LYN: variants seen among roughly 807,000 people sequenced by gnomAD.
LYN encodes LYN proto-oncogene, Src family tyrosine kinase.
Under a neutral mutation model 65.0 loss-of-function variants are expected in LYN, and 12 were observed. That is an observed-to-expected ratio of 0.18 (90% CI 0.12 to 0.30). LYN has a LOEUF of 0.30. Among genes scored for constraint, LYN ranks in the 10% least tolerant of loss-of-function variants. LYN has a pLI of 1.00. For missense variants in LYN, 380 were observed against 623.2 expected, an observed-to-expected ratio of 0.61 and a Z score of 4.16; for synonymous variants, 222 against 221.2, an observed-to-expected ratio of 1.00 and a Z score of -0.03.
At chr8:55,969,851 A>C in intron 10 of LYN, 58 bp downstream of exon 10, 1 of 1,409,448 alleles carries the variant, frequency 7.1e-7, no homozygotes, top group Non-Finnish European at 1.0e-6. Flanking sequence ...CCCTGCGTCA[A>C]ATTCATGAAG....
chr8:55,987,357 A>G (rs1808103052), intron 10 of LYN, among the ~76,000 whole-genome samples: 1 of 151,928 alleles, frequency 6.6e-6, no homozygotes. Context: ...ACAGTGAGCC[A>G]AGATCAGGCA....
chr8:55,929,163 C>T (rs1806192638), intron 1 of LYN, among the ~76,000 whole-genome samples: 1 of 152,130 alleles, frequency 6.6e-6, no homozygotes, highest in Non-Finnish European at 1.5e-5. Context: ...CTTTTTGTTA[C>T]TTTCAGTGAA....
intron 1 of LYN, among the ~76,000 whole-genome samples, chr8:55,919,448 C>T (rs758140413): frequency 6.6e-6 from 1 of 152,146 alleles, no homozygotes; most frequent in Non-Finnish European, 1.5e-5. Flanking sequence ...GCTTCACTGC[C>T]GGGTCTGGAA....
chr8:55,935,119 A>G (rs899246516), intron 1 of LYN, among the ~76,000 whole-genome samples: 1 of 152,206 alleles, frequency 6.6e-6, no homozygotes, highest in African/African-American at 2.4e-5. Context: ...GCACCGAAAC[A>G]GCATTGCCTT....
intron 1 of LYN, among the ~76,000 whole-genome samples, chr8:55,880,949 T>G (rs543246729): frequency 6.6e-6 from 1 of 152,176 alleles, no homozygotes; most frequent in Non-Finnish European, 1.5e-5. Context: ...TATATCCGAG[T>G]GTGTTAATTA....
intron 10 of LYN, among the ~76,000 whole-genome samples, chr8:55,987,385 C>G (rs148508434): frequency 1.3e-5 from 2 of 148,906 alleles, no homozygotes; most frequent in African/African-American, 5.0e-5. Flanking sequence ...CCAGCTTGGG[C>G]TACAGAGTGA....
intron 2 of LYN, among the ~76,000 whole-genome samples, chr8:55,946,006 A>G (rs975087933): frequency 5.9e-5 from 9 of 152,176 alleles, no homozygotes; most frequent in Non-Finnish European, 1.3e-4. Flanking sequence ...GTTTCTAGGG[A>G]GAGAGAAAGA....
intron 1 of LYN, among the ~76,000 whole-genome samples, chr8:55,890,961 T>A (rs1488581232): frequency 3.9e-5 from 6 of 151,982 alleles, no homozygotes; most frequent in African/African-American, 1.4e-4. Context: ...ACTCCTGGGC[T>A]CAAGCAATCT....
rs568869325 is a variant in LYN, at chr8:55,896,261, C to T, written c.-6+16158C>T. ...CTCCAGCCTGGGTAGCAGAGCAAGA[C>T]TCTCATCTCTGAAAAAAAAAGAAAA... On this transcript the variant is annotated intron_variant, in intron 1 of 12. Transcript: ENST00000519728. 2.6e-5 allele frequency among the ~76,000 whole-genome samples: 4 copies of T among 151,518 alleles called. No homozygotes were observed. In the East Asian group the frequency reaches 7.8e-4, roughly 29 times the overall value.
chr8:55,952,265 A>C (rs1480453020), intron 7 of LYN, 150 bp downstream of exon 7: 2 of 641,950 alleles, frequency 3.1e-6, no homozygotes, highest in Admixed American at 3.9e-5. Context: ...GTTCTAAATT[A>C]ATCTATAGTT....
chr8:55,964,138 C>A (rs1176736989), intron 8 of LYN, among the ~76,000 whole-genome samples: 1 of 151,984 alleles, frequency 6.6e-6, no homozygotes, highest in East Asian at 1.9e-4. Context: ...TTTAAAAGGA[C>A]CTAGGATGGT....
chr8:56,005,267 AC>A (rs1808640989), intron 12 of LYN, among the ~76,000 whole-genome samples: 1 of 152,106 alleles, frequency 6.6e-6, no homozygotes, highest in Admixed American at 6.6e-5. Flanking sequence ...ACTCAGCATA[AC>A]CCTCAAGGTC....
chr8:55,927,869 A>T (rs1386427094), intron 1 of LYN, among the ~76,000 whole-genome samples: 1 of 152,138 alleles, frequency 6.6e-6, no homozygotes, highest in Non-Finnish European at 1.5e-5. Flanking sequence ...AAGCTGCTAT[A>T]AACATCTATG....
chr8:56,004,545 C>T (rs1563331444), intron 12 of LYN, among the ~76,000 whole-genome samples: 2 of 151,882 alleles, frequency 1.3e-5, no homozygotes, highest in African/African-American at 4.8e-5. Context: ...CCACCCACCT[C>T]AGCCTCCCAA....
chr8:55,950,643 GA>G, intron 5 of LYN, 37 bp from the exon 6 acceptor site: 1 of 1,578,396 alleles, frequency 6.3e-7, no homozygotes, highest in South Asian at 1.1e-5. Context: ...TCTTGCCGTG[GA>G]ACATAATATG....
chr8:55,967,246 T>C (rs1185463790), intron 9 of LYN, among the ~76,000 whole-genome samples: 4 of 151,384 alleles, frequency 2.6e-5, no homozygotes, highest in East Asian at 1.9e-4. Context: ...ATGTGAAGAG[T>C]TCCCAGAATT....
rs368946104 is a variant in LYN, at chr8:55,966,782, C to T, written c.858C>T (p.Ala286=). 15 of 1,613,962 alleles carry T rather than the reference C, an allele frequency of 9.3e-6. No homozygotes were observed. The African/African-American group carries it at 1.6e-4, about 17-fold the overall frequency. Reference sequence around the variant, plus strand: ...AGCCAGGAACTATGTCTGTGCAAGCCTTCCTGGAAGAAGCCAACCTCATGA... The same window carrying T: ...AGCCAGGAACTATGTCTGTGCAAGCTTTCCTGGAAGAAGCCAACCTCATGA... ...TLKPGTMSVQ[A]FLEEANLMKT... is the part of the protein sequence containing the mutation. Residue 286 remains alanine (A), a synonymous_variant, in exon 9 of 13, where the codon GCC becomes GCT. Coordinates refer to ENST00000519728, the MANE Select transcript of LYN (RefSeq NM_002350.4).
intron 10 of LYN, among the ~76,000 whole-genome samples, chr8:55,979,375 G>C (rs546699730): frequency 6.6e-6 from 1 of 152,152 alleles, no homozygotes; most frequent in South Asian, 2.1e-4. Context: ...TTTCTTCTGT[G>C]ATGGAATAAA....
intron 3 of LYN, among the ~76,000 whole-genome samples, chr8:55,947,414 G>C (rs963906289): frequency 2.0e-5 from 3 of 152,154 alleles, no homozygotes; most frequent in African/African-American, 7.2e-5. Flanking sequence ...TAAGTGATTT[G>C]CAAGAACAAA....
Sources: allele counts gnomAD v4.1 joint callset (sites outside exome capture counted in the v4.1 genomes callset), GRCh38; gene constraint gnomAD v4.1.1; transcripts MANE v1.5; gene names NCBI Gene and HGNC (gene_info 2026-07-23, HGNC 2026-07-21).